Variants in BMP1 observed in about 807,000 individuals in gnomAD.
The protein encoded by BMP1 is mammalian tolloid protein.
Under a neutral mutation model 116.8 loss-of-function variants are expected in BMP1, and 63 were observed. The observed-to-expected ratio is 0.54, with a 90% CI of 0.44 to 0.67. The LOEUF (loss-of-function observed/expected upper bound fraction) is 0.67. BMP1 is among the 30% of genes least tolerant of loss of function. The probability of loss-of-function intolerance (pLI) is 0.00; values close to 1 mark genes in which losing one functional copy is unlikely to be tolerated. For missense variants in BMP1, 1,183 were observed against 1,358.9 expected, an observed-to-expected ratio of 0.87 and a Z score of 2.04; for synonymous variants, 536 against 533.4, an observed-to-expected ratio of 1.00 and a Z score of -0.07.
Position 22,206,976 on chromosome 8 carries a change from A to C in BMP1, c.2356A>C (p.Lys786Gln). 3.7e-6 allele frequency: 6 copies of C among 1,614,084 alleles called. No individual in the cohort carries two copies. Among genetic ancestry groups the C allele is most frequent in the Non-Finnish European group, 4.2e-6 (5 of 1,179,986 alleles). The change falls in exon 17 of 20, where the codon AAG (lysine) becomes CAG (glutamine). Residue 786 changes from lysine to glutamine, a missense_variant. By Grantham distance (53) the Lys-to-Gln change is moderately conservative (BLOSUM62 1). Transcript: ENST00000306385. ...AISSTPGHRVKLTFMEMDIES... is the reference protein window; with the variant it reads ...AISSTPGHRVQLTFMEMDIES... ...CTCCAGCACCCCCGGGCACCGGGTC[A>C]AGCTGGTAAGGGGTCCCCTCCCCAC...
intron 1 of BMP1, among the ~76,000 whole-genome samples, chr8:22,173,028 G>A (rs1456051769): frequency 6.6e-6 from 1 of 152,166 alleles, no homozygotes; most frequent in African/African-American, 2.4e-5. Context: ...ATTGCTATCT[G>A]GAAGACCCTA....
chr8:22,210,503 C>T (rs1031809273), intron 19 of BMP1, among the ~76,000 whole-genome samples: 50 of 151,300 alleles, frequency 3.3e-4, no homozygotes, highest in African/African-American at 1.2e-3. Context: ...CACCCACTTG[C>T]ATGCACTTTC....
At position 22,165,846 on chromosome 8, in the gene BMP1, C is replaced by A. The variant is rs181854977; in HGVS notation, c.148+293C>A. 2.8e-3 allele frequency among the ~76,000 whole-genome samples: 416 copies of A among 150,288 alleles called. 9 individuals carry two copies. The highest frequency in any genetic ancestry group is 0.025 in the Admixed American group (381 of 15,088). Reference sequence around the variant, plus strand: ...CCGGCGGGCAAGGCGGCTTTTCCTTCTGTAGGAAACTTTTCTGGCCAAACT... The same window carrying A: ...CCGGCGGGCAAGGCGGCTTTTCCTTATGTAGGAAACTTTTCTGGCCAAACT... On this transcript the variant is annotated intron_variant, in intron 1 of 19. Transcript: ENST00000306385.
chr8:22,176,899 C>A, intron 4 of BMP1, 62 bp from the exon 5 acceptor site: 1 of 1,461,534 alleles, frequency 6.8e-7, no homozygotes, highest in Non-Finnish European at 9.3e-7. Flanking sequence ...CCTGGCCCCG[C>A]CCCTGAGTGG....
Position 22,199,790 on chromosome 8 carries a change from A to C in BMP1, c.2108-2013A>C, listed in dbSNP as rs546453853. ...TTTTCTGCAGGGCTGATTCAAAGGCAGCTCATGGAGGGCTCTCGATCAGGC... is the reference window on the plus strand; with the variant it reads ...TTTTCTGCAGGGCTGATTCAAAGGCCGCTCATGGAGGGCTCTCGATCAGGC... On this transcript the variant is annotated intron_variant, in intron 15 of 19. Transcript: ENST00000306385. Among the ~76,000 whole-genome samples, 4 of 152,296 alleles carry C rather than the reference A, an allele frequency of 2.6e-5. No individual in the cohort carries two copies. The South Asian group carries it at 8.3e-4, about 32-fold the overall frequency.
At chr8:22,165,634 T>C (rs1828072058) in intron 1 of BMP1, 81 bp downstream of exon 1, 1 of 1,386,204 alleles carries the variant, frequency 7.2e-7, no homozygotes, top group Non-Finnish European at 9.4e-7. Flanking sequence ...GGGAGGACAG[T>C]CCAGTGTGGG....
At chr8:22,195,285 A>G (rs542441184) in intron 12 of BMP1, among the ~76,000 whole-genome samples, 177 bp from the exon 13 acceptor site, 5 of 152,346 alleles carry the variant, frequency 3.3e-5, no homozygotes, top group African/African-American at 1.2e-4. Context: ...GTCCTTAGTC[A>G]GGGAACAGCA....
intron 15 of BMP1, chr8:22,199,517 C>T (rs928638156): frequency 6.4e-6 from 6 of 939,000 alleles, no homozygotes; most frequent in Middle Eastern, 4.7e-4. Context: ...TTCCTCAGGA[C>T]TCACTTTCCC....
chr8:22,201,639 C>T (rs1829265398), intron 15 of BMP1, 164 bp from the exon 16 acceptor site: 1 of 1,380,396 alleles, frequency 7.2e-7, no homozygotes. Context: ...TTTGGACCCC[C>T]TTGTCGCCTG....
rs754063683 is a variant in BMP1, at chr8:22,179,834, G to A, written c.961+5G>A. ...GCAAGCTTTACAAGTGCCCAGGTCA[G>A]GGCAGAGAAGGGATGGGTGAGGGCG... On this transcript the variant is annotated splice_donor_5th_base_variant and intron_variant, in intron 7 of 19. Coordinates refer to ENST00000306385, the MANE Select transcript of BMP1 (RefSeq NM_006129.5). This position sits in a 1 kb window ranked among gnomAD's most constrained non-coding sequence, Gnocchi z 4.6. The A allele has an allele frequency of 5.0e-6, 8 of 1,611,668 alleles. No individual in the cohort carries two copies. Among genetic ancestry groups the A allele is most frequent in the South Asian group, 4.4e-5 (4 of 90,902 alleles).
At chr8:22,193,941 T>C (rs1276549003) in intron 9 of BMP1, 117 bp from the exon 10 acceptor site, 2 of 793,680 alleles carry the variant, frequency 2.5e-6, no homozygotes, top group African/African-American at 3.4e-5. Context: ...CTTGGGAATG[T>C]GTGAAGTAGG....
chr8:22,202,346 G>A (rs912221977), intron 16 of BMP1, among the ~76,000 whole-genome samples: 1 of 152,164 alleles, frequency 6.6e-6, no homozygotes, highest in Non-Finnish European at 1.5e-5. Flanking sequence ...GACCCTCTCT[G>A]TGCCTTGGTT....
intron 16 of BMP1, 72 bp from the exon 17 acceptor site, chr8:22,206,782 G>A: frequency 1.9e-6 from 3 of 1,593,294 alleles, no homozygotes; most frequent in Middle Eastern, 1.7e-4. Context: ...CAGGAGGGAA[G>A]GGCCTTCCCC....
At chr8:22,171,638 G>T (rs2131841555) in intron 1 of BMP1, 1 of 152,322 alleles carries the variant, frequency 6.6e-6, no homozygotes, top group East Asian at 1.9e-4. Context: ...AGGGGTTCTA[G>T]AGAGTGCAGT....
intron 1 of BMP1, among the ~76,000 whole-genome samples, chr8:22,167,969 G>C (rs1425873535): frequency 6.6e-6 from 1 of 152,126 alleles, no homozygotes; most frequent in Non-Finnish European, 1.5e-5. Flanking sequence ...CCAGATGCTG[G>C]AGGTGATGAT....
rs550116419 is a variant in BMP1 at position 22,181,510 on chromosome 8, T to A, written c.1077+1027T>A. Among the ~76,000 whole-genome samples the A allele has an allele frequency of 4.1e-4, 63 of 151,980 alleles. 3 individuals carry two copies. In the South Asian group the frequency reaches 8.7e-3, roughly 21 times the overall value. On this transcript the variant is annotated intron_variant, in intron 8 of 19. Transcript: ENST00000306385. ...TTGAATACCTAAGGTGATGAGAGGC[T>A]CACTACTTTTCAGAATAATTCATTC...
In BMP1 at chr8:22,210,639, T is replaced by C. The variant is rs569677560; in HGVS notation, c.2826+944T>C. On this transcript the variant is annotated intron_variant, in intron 19 of 19. Transcript: ENST00000306385. ...GCTGCAGCAGCTGCTGGACCCAGCA[T>C]TGGCTGAACCTCCCCCAGGAGCAGA... Among the ~76,000 whole-genome samples, 21 of 152,294 alleles carry C rather than the reference T, an allele frequency of 1.4e-4. No homozygotes were observed. In the South Asian group the frequency reaches 3.9e-3, roughly 29 times the overall value.
Position 22,192,110 on chromosome 8 carries a change from T to A in BMP1, c.1139T>A (p.Val380Glu), listed in dbSNP as rs879092987. The change falls in exon 9 of 20, where the codon GTG (valine) becomes GAG (glutamate). Residue 380 changes from valine (V) to glutamate (E), a missense_variant. Val to Glu is a moderately radical substitution (Grantham distance 121). Transcript: ENST00000306385. ...YRSRLCWYDY[V>E]EVRDGFWRKA... ...AGCCGCCTGTGCTGGTACGACTATGTGGAGGTCCGAGATGGCTTCTGGAGG... is the reference window on the plus strand; with the variant it reads ...AGCCGCCTGTGCTGGTACGACTATGAGGAGGTCCGAGATGGCTTCTGGAGG... 6.2e-7 allele frequency: 1 copy of A among 1,613,946 alleles called. No individual in the cohort carries two copies. Among genetic ancestry groups the A allele is most frequent in the Non-Finnish European group, 8.5e-7 (1 of 1,179,882 alleles).
chr8:22,210,964 T>C (rs1387937822), intron 19 of BMP1, among the ~76,000 whole-genome samples: 1 of 152,222 alleles, frequency 6.6e-6, no homozygotes, highest in Non-Finnish European at 1.5e-5. Context: ...TGACGTCCGA[T>C]GCTCTGAGGG....
Sources: allele counts gnomAD v4.1 joint callset (sites outside exome capture counted in the v4.1 genomes callset), GRCh38; gene constraint gnomAD v4.1.1; non-coding constraint Gnocchi (gnomAD v3.1); transcripts MANE v1.5; gene names NCBI Gene and HGNC (gene_info 2026-07-23, HGNC 2026-07-21).